The following CASP5 variants were observed in gnomAD, a reference collection of about 807,000 sequenced individuals.
CASP5 encodes caspase-5.
In CASP5, 42 loss-of-function variants were observed where a neutral mutation model predicts 45.2. The ratio of observed to expected loss-of-function variants is 0.93; its 90% CI spans 0.73 to 1.20. The LOEUF (loss-of-function observed/expected upper bound fraction) is 1.20, where lower values mean the gene tolerates loss of function less well. CASP5 is among the 50% of genes most tolerant of loss of function. The probability of loss-of-function intolerance (pLI) is 0.00; values close to 1 mark genes in which losing one functional copy is unlikely to be tolerated. For synonymous variants in CASP5, 209 were observed against 186.2 expected (o/e 1.12, Z -1.00); for missense variants, 512 against 532.2 (o/e 0.96, Z 0.37).
intron 9 of CASP5, among the ~76,000 whole-genome samples, chr11:104,994,675 C>G (rs1861376634): frequency 6.6e-6 from 1 of 152,130 alleles, no homozygotes; most frequent in East Asian, 1.9e-4. Flanking sequence ...TCTGTCAGTT[C>G]CCTCACTTGC....
intron 8 of CASP5, 146 bp from the exon 9 acceptor site, chr11:104,995,988 C>T (rs765523543): frequency 3.6e-6 from 2 of 554,678 alleles, no homozygotes; most frequent in Non-Finnish European, 3.3e-6. Context: ...CTTAACACTG[C>T]TACTCTACCT....
intron 9 of CASP5, among the ~76,000 whole-genome samples, chr11:104,995,411 A>G (rs1472085799): frequency 2.6e-5 from 4 of 152,180 alleles, no homozygotes; most frequent in Non-Finnish European, 5.9e-5. Context: ...ACAGAGAGAG[A>G]GACAAAGAGA....
At chr11:104,995,656 C>G in intron 9 of CASP5, 84 bp downstream of exon 9, 1 of 795,640 alleles carries the variant, frequency 1.3e-6, no homozygotes, top group Non-Finnish European at 2.1e-6. Context: ...ACCATATAAG[C>G]AGTCAGCTGT....
At position 105,003,443 on chromosome 11, in the gene CASP5, T is replaced by C. The variant is rs117012676; in HGVS notation, c.434-60A>G. ...TGCCTCTGTGACCCAATTTATCACC[T>C]AAGAACTTTGAGAGAGAGAGAGAGA... On this transcript the variant is annotated intron_variant, in intron 3 of 9. Transcript: ENST00000260315. 1.7e-3 allele frequency: 1,507 copies of C among 863,718 alleles called. 27 individuals are homozygous for C. The East Asian group carries it at 0.032, about 18-fold the overall frequency. 53.5% of individuals were successfully genotyped at this position (863,718 alleles called of 1,614,324 possible).
chr11:105,006,730 G>T (rs185341553), intron 3 of CASP5, among the ~76,000 whole-genome samples: 1 of 152,178 alleles, frequency 6.6e-6, no homozygotes, highest in Non-Finnish European at 1.5e-5. Context: ...CATTTCACAG[G>T]TGGTAAGACT....
intron 8 of CASP5, 149 bp from the exon 9 acceptor site, chr11:104,995,991 C>G (rs1481787872): frequency 1.8e-6 from 1 of 555,282 alleles, no homozygotes; most frequent in Non-Finnish European, 3.3e-6. Flanking sequence ...AACACTGCTA[C>G]TCTACCTCTT....
chr11:105,001,131 C>T (rs1485603101), intron 5 of CASP5, among the ~76,000 whole-genome samples: 1 of 152,172 alleles, frequency 6.6e-6, no homozygotes, highest in African/African-American at 2.4e-5. Flanking sequence ...AACATCGCAC[C>T]CCATCCAACA....
At chr11:105,019,417 A>G (rs1256847263) in intron 1 of CASP5, among the ~76,000 whole-genome samples, 2 of 149,510 alleles carry the variant, frequency 1.3e-5, no homozygotes, top group African/African-American at 4.9e-5. Context: ...AGCAAGACTA[A>G]TAAAGAAAAA....
At chr11:104,998,532 C>T (rs1861572406) in intron 7 of CASP5, among the ~76,000 whole-genome samples, 1 of 152,040 alleles carries the variant, frequency 6.6e-6, no homozygotes, top group African/African-American at 2.4e-5. Flanking sequence ...TACTGGGATC[C>T]ATAAAACTTC....
chr11:105,002,276 T>C, intron 4 of CASP5, 75 bp from the exon 5 acceptor site: 2 of 1,363,576 alleles, frequency 1.5e-6, no homozygotes, highest in East Asian at 2.3e-5. Flanking sequence ...ACAATTTTGC[T>C]TTTTTAAGAC....
chr11:104,999,774 T>G (rs1861634800), intron 6 of CASP5, among the ~76,000 whole-genome samples: 1 of 152,200 alleles, frequency 6.6e-6, no homozygotes, highest in Non-Finnish European at 1.5e-5. Context: ...AAGTCAGGAA[T>G]AAAAAGAGGG....
At position 105,009,193 on chromosome 11, in the gene CASP5, G is replaced by A; in HGVS notation, c.8-213C>T. 6 of 588,490 alleles carry A rather than the reference G, an allele frequency of 1.0e-5. No individual in the cohort carries two copies. In the South Asian group the frequency reaches 1.2e-4, roughly 12 times the overall value. The allele number at this position is 588,490 out of a possible 1,614,324, so 36.5% of individuals were successfully genotyped here. On this transcript the variant is annotated intron_variant, in intron 1 of 9. Transcript: ENST00000260315. Reference sequence around the variant, plus strand: ...TGTTTAACAATTCATTGCCACTTAAGTTTGTTTTTTATAGCTTGTCTTTTT... The same window carrying A: ...TGTTTAACAATTCATTGCCACTTAAATTTGTTTTTTATAGCTTGTCTTTTT...
At chr11:105,018,909 A>G (rs1265358706) in intron 1 of CASP5, among the ~76,000 whole-genome samples, 1 of 150,554 alleles carries the variant, frequency 6.6e-6, no homozygotes, top group African/African-American at 2.4e-5. Context: ...TTGGAAGTAA[A>G]GCACTCCTCA....
intron 5 of CASP5, among the ~76,000 whole-genome samples, chr11:105,001,725 G>A (rs1386006666): frequency 6.6e-6 from 1 of 152,166 alleles, no homozygotes; most frequent in Non-Finnish European, 1.5e-5. Flanking sequence ...ATTTTATGTG[G>A]AATCTTGGGG....
chr11:105,009,199 T>A (rs1362933269), intron 1 of CASP5: 10 of 585,076 alleles, frequency 1.7e-5, no homozygotes, highest in Non-Finnish European at 3.1e-5. Flanking sequence ...TTAAGTTTGT[T>A]TTTTATAGCT....
intron 5 of CASP5, 75 bp from the exon 6 acceptor site, chr11:105,000,570 G>A (rs1861677410): frequency 2.3e-6 from 3 of 1,299,514 alleles, no homozygotes; most frequent in Non-Finnish European, 3.3e-6. Context: ...TACCATGAGC[G>A]AAACAAGAAA....
At chr11:105,009,720 C>CACACATATAT (rs1376205553) in intron 1 of CASP5, among the ~76,000 whole-genome samples, 1 of 64,068 alleles carries the variant, frequency 1.6e-5, no homozygotes, top group South Asian at 5.3e-4. Context: ...TATATACACA[C>CACACATATAT]ATATATATAT....
intron 3 of CASP5, among the ~76,000 whole-genome samples, chr11:105,004,673 TTAA>T (rs1861916614): frequency 1.3e-5 from 2 of 152,198 alleles, no homozygotes; most frequent in African/African-American, 2.4e-5. Flanking sequence ...CTCTTCATTT[TTAA>T]TAATATTTTA....
In CASP5 at chr11:105,000,262, A is replaced by AC; in HGVS notation, c.950dup (p.Glu318Ter). On this transcript the variant is annotated frameshift_variant and splice_region_variant, in exon 6 of 10. Transcript: ENST00000260315. LOFTEE classifies it high-confidence loss of function. ...TAGATGTTCAGCCTCAGCACTCACC[A>AC]CCTCTGCAGGCCTGGACAATGATGA... 6.2e-7 allele frequency: 1 copy of AC among 1,614,020 alleles called. No homozygotes were observed. Among genetic ancestry groups the AC allele is most frequent in the Non-Finnish European group, 8.5e-7 (1 of 1,179,966 alleles).
Sources: allele counts gnomAD v4.1 joint callset (sites outside exome capture counted in the v4.1 genomes callset), GRCh38; gene constraint gnomAD v4.1.1; transcripts MANE v1.5; gene names NCBI Gene and HGNC (gene_info 2026-07-23, HGNC 2026-07-21).